LILRB2: variants seen among roughly 807,000 people sequenced by gnomAD.
LILRB2 encodes the protein leukocyte immunoglobulin like receptor B2.
Under a neutral mutation model 72.7 loss-of-function variants are expected in LILRB2, and 47 were observed. The ratio of observed to expected loss-of-function variants is 0.65; its 90% confidence interval spans 0.51 to 0.82. LILRB2 has a LOEUF of 0.82. Ranked by LOEUF, LILRB2 falls within the 40% of genes least tolerant of loss-of-function variation. The pLI is 0.00. For synonymous variants in LILRB2, 279 were observed against 313.7 expected (o/e 0.89, Z 1.17); for missense variants, 767 against 764.8 (o/e 1.00, Z -0.03).
At chr19:54,277,176 C>G in intron 9 of LILRB2, 2 of 1,518,432 alleles carry the variant, frequency 1.3e-6, no homozygotes, top group African/African-American at 1.4e-5. Context: ...ACCTGCAGCC[C>G]TTGTTCCTGC....
At chr19:54,275,558 G>A (rs544257749) in intron 13 of LILRB2, 6 of 518,298 alleles carry the variant, frequency 1.2e-5, no homozygotes, top group African/African-American at 9.6e-5. Context: ...GGAGGCGGGG[G>A]CGGCTTTGCT....
intron 13 of LILRB2, 21 bp downstream of exon 13, chr19:54,275,930 G>T (rs758406178): frequency 3.7e-6 from 6 of 1,613,876 alleles, no homozygotes; most frequent in Non-Finnish European, 4.2e-6. Flanking sequence ...TTTGGTGCCT[G>T]GGACAGGGGC....
intron 13 of LILRB2, chr19:54,275,688 T>A: frequency 4.9e-6 from 3 of 612,056 alleles, no homozygotes; most frequent in South Asian, 3.0e-5. Flanking sequence ...TTATTCCTCA[T>A]CCTCCAGAGG....
chr19:54,274,582 A>AGGC lies in LILRB2; in HGVS notation c.*98_*100dup, dbSNP rs1327683443. The AGGC allele has an allele frequency of 1.3e-6, 2 of 1,588,076 alleles. No individual in the cohort carries two copies. On this transcript the variant is annotated 3_prime_UTR_variant, in exon 14 of 14. Coordinates refer to ENST00000314446, the MANE Select transcript of LILRB2 (RefSeq NM_001080978.4). ...TCCTCATGGTCTTTGTTAGGGGTCCAGGCTGACTGGGGTTCATTGGTGTCC... is the reference window on the plus strand; with the variant it reads ...TCCTCATGGTCTTTGTTAGGGGTCCAGGCGGCTGACTGGGGTTCATTGGTGTCC...
At chr19:54,276,123 C>T in intron 12 of LILRB2, 120 bp from the exon 13 acceptor site, 2 of 1,554,284 alleles carry the variant, frequency 1.3e-6, no homozygotes, top group Non-Finnish European at 1.8e-6. Context: ...GCTGCAATGT[C>T]CCTGAGGTCC....
In LILRB2 at chr19:54,274,345, C is replaced by A; in HGVS notation, c.*338G>T. 5 of 215,068 alleles carry A rather than the reference C, an allele frequency of 2.3e-5. No homozygotes were observed. The highest frequency in any genetic ancestry group is 1.1e-4 in the East Asian group (1 of 9,380). The allele number at this position is 215,068 out of a possible 1,614,324, so 13.3% of individuals were successfully genotyped here. On this transcript the variant is annotated 3_prime_UTR_variant, in exon 14 of 14. Transcript: ENST00000314446. ...TCCTAGTTTTTTTTTTTCGTTTCTA[C>A]TTTTTTCATTTGTGGTTTGTACTTT...
chr19:54,277,653 C>A (rs2080304744), intron 8 of LILRB2, 56 bp from the exon 9 acceptor site: 16 of 1,533,438 alleles, frequency 1.0e-5, no homozygotes, highest in Admixed American at 2.1e-5. Flanking sequence ...CCCACATCAG[C>A]CCGGCTGCTC....
Position 54,274,113 on chromosome 19 carries a change from TTTCTTTCTC to T in LILRB2, c.*561_*569del, listed in dbSNP as rs536333241. The T allele has an allele frequency of 3.7e-3, 573 of 153,666 alleles. 17 individuals carry two copies. In the South Asian group the frequency reaches 0.075, roughly 20 times the overall value. 9.5% of individuals were successfully genotyped at this position (153,666 alleles called of 1,614,324 possible). ...CCCATATGGAAATGCGTGCCTGCTC[TTTCTTTCTC>T]TTGCTCAATGTAGTTAGGATTTATG... On this transcript the variant is annotated 3_prime_UTR_variant, in exon 14 of 14. Coordinates refer to ENST00000314446, the MANE Select transcript of LILRB2 (RefSeq NM_001080978.4).
rs1028997873 is a variant in LILRB2, at chr19:54,278,370, A to G, written c.1148T>C (p.Met383Thr). 1.2e-6 allele frequency: 2 copies of G among 1,614,200 alleles called. No individual in the cohort carries two copies. The highest frequency in any genetic ancestry group is 1.1e-5 in the South Asian group (1 of 91,086). ...CGCGTGGGCTGAGGTCACAGGACTC[A>G]TGGGGAATTCAGCCTGGTACTTAGG... Reference protein sequence around the residue: ...EYPKYQAEFPMSPVTSAHAGT... With the variant: ...EYPKYQAEFPTSPVTSAHAGT... Residue 383 changes from methionine to threonine, a missense_variant, in exon 7 of 14, where the codon ATG becomes ACG. Physicochemically the swap from Met to Thr is moderately conservative, Grantham distance 81 (BLOSUM62 -1). Around this residue, in one of 3 missense-constraint regions of LILRB2, gnomAD observed 599 missense variants for 568.2 expected, o/e 1.05. Coordinates refer to ENST00000314446, the MANE Select transcript of LILRB2 (RefSeq NM_001080978.4).
rs192462578 is a variant in LILRB2, at chr19:54,281,018, G to A, written c.-106C>T. ...TTCAGGGAAGACCCAGGTCCATGCT[G>A]CAGGCAGACTCAGATCAGCAGAGAA... On this transcript the variant is annotated 5_prime_UTR_variant, in exon 1 of 14. Coordinates refer to ENST00000314446, the MANE Select transcript of LILRB2 (RefSeq NM_001080978.4). The A allele has an allele frequency of 1.7e-5, 15 of 874,658 alleles. No homozygotes were observed. The highest frequency in any genetic ancestry group is 1.1e-4 in the Admixed American group (5 of 43,966). 54.2% of individuals were successfully genotyped at this position (874,658 alleles called of 1,614,324 possible). A position where few individuals can be genotyped will look rare whatever the true frequency, so the allele number is the denominator to read the frequency against.
intron 8 of LILRB2, 49 bp downstream of exon 8, chr19:54,277,840 C>T: frequency 6.9e-7 from 1 of 1,459,828 alleles, no homozygotes; most frequent in Non-Finnish European, 9.4e-7. Flanking sequence ...CTCAAAGCTG[C>T]CCTGGGGGTC....
At position 54,275,195 on chromosome 19, in the gene LILRB2, C is replaced by G. The variant is rs1219339875; in HGVS notation, c.1648-366G>C. On this transcript the variant is annotated intron_variant, in intron 13 of 13. Transcript: ENST00000314446. The stretch of plus-strand genomic sequence containing the variant: ...TGGAATCTCAGGGACGCCCTAAGGC[C>G]GTGGAGGGTCTGGCCGCTCCCTTCC... The G allele has an allele frequency of 2.0e-5, 25 of 1,267,674 alleles. No individual in the cohort carries two copies. The Admixed American group carries it at 6.2e-4, about 31-fold the overall frequency. The allele number at this position is 1,267,674 out of a possible 1,614,324, so 78.5% of individuals were successfully genotyped here. A position where few individuals can be genotyped will look rare whatever the true frequency, so the allele number is the denominator to read the frequency against.
chr19:54,278,228 G>A (rs756715842), intron 7 of LILRB2, 32 bp downstream of exon 7: 11 of 1,612,382 alleles, frequency 6.8e-6, no homozygotes, highest in Non-Finnish European at 1.7e-6. Context: ...CTGAGCCTTT[G>A]AGCTCAGAGA....
At chr19:54,280,201 A>G (rs1464769922) in intron 3 of LILRB2, 63 bp downstream of exon 3, 16 of 1,613,052 alleles carry the variant, frequency 9.9e-6, no homozygotes, top group Non-Finnish European at 1.4e-5. Context: ...CCCCAGCTGC[A>G]CGGAGGTGGC....
intron 1 of LILRB2, 127 bp from the exon 2 acceptor site, chr19:54,280,671 TC>T: frequency 1.5e-6 from 2 of 1,326,450 alleles, no homozygotes; most frequent in Non-Finnish European, 2.1e-6. Context: ...GGAACTGCCC[TC>T]CCAGGAGCCT....
In LILRB2 at chr19:54,280,182, A is replaced by C. The variant is rs1699749355; in HGVS notation, c.70+82T>G. On this transcript the variant is annotated intron_variant, in intron 3 of 13. Coordinates refer to ENST00000314446, the MANE Select transcript of LILRB2 (RefSeq NM_001080978.4). ...CCCCATCAGTCAGTCCAGAACTTCTAATCCCCATCCCCAGCTGCACGGAGG... is the reference window on the plus strand; with the variant it reads ...CCCCATCAGTCAGTCCAGAACTTCTCATCCCCATCCCCAGCTGCACGGAGG... The C allele has an allele frequency of 5.0e-6, 8 of 1,612,454 alleles. No individual in the cohort carries two copies. In the African/African-American group the frequency reaches 8.0e-5, roughly 16 times the overall value.
Position 54,278,878 on chromosome 19 carries a change from A to G in LILRB2, c.889T>C (p.Tyr297His), listed in dbSNP as rs773712851. 6 of 1,613,986 alleles carry G rather than the reference A, an allele frequency of 3.7e-6. No individual in the cohort carries two copies. In the East Asian group the frequency reaches 1.1e-4, roughly 30 times the overall value. ...SRSYGGQYRC[Y>H]GAHNLSSECS... is the part of the protein sequence containing the mutation. ...TCAGAGGAGAGGTTGTGTGCACCGTAGCATCTGTACTGGCCCCCGTAGGAG... is the reference window on the plus strand; with the variant it reads ...TCAGAGGAGAGGTTGTGTGCACCGTGGCATCTGTACTGGCCCCCGTAGGAG... Residue 297 changes from tyrosine to histidine, a missense_variant, in exon 6 of 14, where the codon TAC becomes CAC. Tyr to His is a moderately conservative substitution (Grantham distance 83). Transcript: ENST00000314446.
rs1462705673 is a variant in LILRB2 at position 54,277,708 on chromosome 19, C to T, written c.1310-111G>A. 1.9e-4 allele frequency: 267 copies of T among 1,381,306 alleles called. 3 individuals are homozygous for T. The East Asian group carries it at 6.5e-3, about 34-fold the overall frequency. 85.6% of individuals were successfully genotyped at this position (1,381,306 alleles called of 1,614,324 possible). Reference sequence around the variant, plus strand: ...AACATTTCTCTCTGCCTTGACCCCCCACCCCTCACCAGCCCAGCCTCAGAG... The same window carrying T: ...AACATTTCTCTCTGCCTTGACCCCCTACCCCTCACCAGCCCAGCCTCAGAG... On this transcript the variant is annotated intron_variant, in intron 8 of 13. Coordinates refer to ENST00000314446, the MANE Select transcript of LILRB2 (RefSeq NM_001080978.4).
rs765905961 is a variant in LILRB2 at position 54,280,491 on chromosome 19, G to C, written c.6C>G (p.Thr2=). The C allele has an allele frequency of 1.2e-6, 2 of 1,613,856 alleles. No individual in the cohort carries two copies. Among genetic ancestry groups the C allele is most frequent in the Non-Finnish European group, 1.7e-6 (2 of 1,179,962 alleles). ...GACAGATCAGGACTGTGACGATGGG[G>C]GTCATGGCGTCTCCTCCCACTGCCC... The part of the protein sequence containing the change: M[T]PIVTVLICLG... The change falls in exon 2 of 14, where the codon ACC becomes ACG. Residue 2 remains threonine (T), a synonymous_variant. Transcript: ENST00000314446.
Sources: gnomAD v4.1 joint callset for allele counts on GRCh38, gnomAD v4.1.1 for gene constraint, gnomAD v4.1.1 regional missense constraint, MANE v1.5 for transcripts, NCBI Gene and HGNC (gene_info 2026-07-23, HGNC 2026-07-21) for gene names.